GADL1: variants seen among roughly 807,000 people sequenced by gnomAD.
The protein encoded by GADL1 is GAD like acidic amino acid decarboxylase 1.
A neutral mutation model predicts 69.5 loss-of-function variants in GADL1; 71 were observed. That is an observed-to-expected ratio of 1.02 (90% CI 0.84 to 1.25). GADL1 has a LOEUF of 1.25. Ranked by LOEUF, GADL1 falls within the 50% of genes most tolerant of loss-of-function variation. The pLI is 0.00. For missense variants in GADL1, 737 were observed against 631.8 expected (o/e 1.17, Z -1.79); for synonymous variants, 254 against 214.4 (o/e 1.18, Z -1.62).
chr3:30,851,426 A>C (rs766758245), intron 4 of GADL1, among the ~76,000 whole-genome samples: 2 of 151,600 alleles, frequency 1.3e-5, no homozygotes, highest in African/African-American at 2.4e-5. Context: ...CCTCTACTAC[A>C]CTCTCTGTGT....
chr3:30,889,624 CTT>C (rs980651051), intron 1 of GADL1, among the ~76,000 whole-genome samples: 1 of 151,772 alleles, frequency 6.6e-6, no homozygotes, highest in African/African-American at 2.4e-5. Context: ...TTCCAGTTAA[CTT>C]TTTTTTTCCT....
At chr3:30,813,991 A>C (rs1273391183) in intron 11 of GADL1, among the ~76,000 whole-genome samples, 2 of 152,248 alleles carry the variant, frequency 1.3e-5, no homozygotes, top group Non-Finnish European at 2.9e-5. Flanking sequence ...GAGCCTGTGC[A>C]TTAGCATGTG....
chr3:30,847,614 G>A (rs1367265987), intron 6 of GADL1, among the ~76,000 whole-genome samples: 1 of 152,094 alleles, frequency 6.6e-6, no homozygotes, highest in African/African-American at 2.4e-5. Context: ...GGAAAGGAAT[G>A]AGCTGCAAAG....
chr3:30,749,518 C>T (rs1695766984), intron 14 of GADL1, among the ~76,000 whole-genome samples: 1 of 152,192 alleles, frequency 6.6e-6, no homozygotes. Flanking sequence ...ACAGGTGAAT[C>T]TTAGGACATT....
chr3:30,837,529 A>G (rs972941943), intron 9 of GADL1, among the ~76,000 whole-genome samples: 5 of 152,298 alleles, frequency 3.3e-5, no homozygotes, highest in African/African-American at 4.8e-5. Context: ...CTTTTCATTC[A>G]TAAATCACAA....
intron 12 of GADL1, among the ~76,000 whole-genome samples, chr3:30,787,248 TATA>T (rs879898651): frequency 2.0e-5 from 3 of 152,164 alleles, no homozygotes; most frequent in South Asian, 2.1e-4. Flanking sequence ...TAGCCATTGA[TATA>T]ATATCTATAA....
chr3:30,806,343 A>C (rs1334035141), intron 11 of GADL1, among the ~76,000 whole-genome samples: 1 of 152,188 alleles, frequency 6.6e-6, no homozygotes, highest in Non-Finnish European at 1.5e-5. Flanking sequence ...ATACAAGCCC[A>C]TGAAGGTGCT....
intron 14 of GADL1, among the ~76,000 whole-genome samples, chr3:30,756,214 A>AT (rs1371269545): frequency 4.6e-5 from 7 of 152,204 alleles, no homozygotes; most frequent in African/African-American, 1.7e-4. Context: ...GACAATGAAC[A>AT]TGGAGCTTGG....
chr3:30,739,116 G>A (rs1418351449), intron 14 of GADL1, among the ~76,000 whole-genome samples: 1 of 152,188 alleles, frequency 6.6e-6, no homozygotes, highest in African/African-American at 2.4e-5. Context: ...TGTAGAACCT[G>A]CATATCAGGC....
chr3:30,877,972 A>T (rs1332683656), intron 1 of GADL1, among the ~76,000 whole-genome samples: 1 of 151,936 alleles, frequency 6.6e-6, no homozygotes, highest in African/African-American at 2.4e-5. Flanking sequence ...AAAATCTCAG[A>T]TGCTGGTAGA....
At chr3:30,872,968 G>C (rs1271951632) in intron 1 of GADL1, among the ~76,000 whole-genome samples, 2 of 151,816 alleles carry the variant, frequency 1.3e-5, no homozygotes, top group African/African-American at 4.8e-5. Context: ...AGGTCAACCA[G>C]TTACTGTCAG....
intron 14 of GADL1, among the ~76,000 whole-genome samples, chr3:30,767,474 A>G (rs1441729218): frequency 1.3e-5 from 2 of 152,204 alleles, no homozygotes; most frequent in African/African-American, 4.8e-5. Context: ...AAATTGTAAC[A>G]TAAGACCCCA....
intron 8 of GADL1, among the ~76,000 whole-genome samples, chr3:30,844,002 A>T (rs1698012207): frequency 6.6e-6 from 1 of 152,242 alleles, no homozygotes; most frequent in African/African-American, 2.4e-5. Context: ...GAAACTCCAC[A>T]GAACATGGAG....
intron 3 of GADL1, among the ~76,000 whole-genome samples, chr3:30,856,469 C>A (rs1270455684): frequency 6.6e-6 from 1 of 152,022 alleles, no homozygotes; most frequent in Non-Finnish European, 1.5e-5. Context: ...GGAATGTATT[C>A]ATTTGTCTTA....
intron 14 of GADL1, among the ~76,000 whole-genome samples, chr3:30,775,289 A>G (rs1459521471): frequency 6.6e-6 from 1 of 152,242 alleles, no homozygotes; most frequent in Non-Finnish European, 1.5e-5. Flanking sequence ...GTGACAGCTC[A>G]ACCTGACGTT....
At chr3:30,780,433 A>C (rs1009036203) in intron 13 of GADL1, among the ~76,000 whole-genome samples, 1 of 152,124 alleles carries the variant, frequency 6.6e-6, no homozygotes, top group African/African-American at 2.4e-5. Flanking sequence ...GCTGCTCTCT[A>C]TATCAGCTAC....
intron 11 of GADL1, among the ~76,000 whole-genome samples, chr3:30,817,721 A>C (rs1403515972): frequency 6.6e-6 from 1 of 152,206 alleles, no homozygotes; most frequent in Non-Finnish European, 1.5e-5. Context: ...AAATGAATGC[A>C]CCAGTATTTC....
chr3:30,735,195 G>T (rs1279396367), intron 14 of GADL1, among the ~76,000 whole-genome samples: 1 of 149,030 alleles, frequency 6.7e-6, no homozygotes, highest in Non-Finnish European at 1.5e-5. Flanking sequence ...TGTAGAAGGG[G>T]TCACACTATA....
At position 30,767,930 on chromosome 3, in the gene GADL1, A is replaced by T. The variant is rs1421425291; in HGVS notation, c.1392+10249T>A. On this transcript the variant is annotated intron_variant, in intron 14 of 14. Transcript: ENST00000282538. ...TACTTAAAATATGAAAAAAATGAAT[A>T]CACTGACAATCAGTAAAGAGAAATT... Among the ~76,000 whole-genome samples the T allele has an allele frequency of 3.7e-4, 56 of 152,244 alleles. 1 individual carries two copies. Among genetic ancestry groups the T allele is most frequent in the Admixed American group, 7.8e-4 (12 of 15,296 alleles).
Sources: gnomAD v4.1 joint callset for allele counts (sites outside exome capture counted in the v4.1 genomes callset) on GRCh38, gnomAD v4.1.1 for gene constraint, MANE v1.5 for transcripts, NCBI Gene and HGNC (gene_info 2026-07-23, HGNC 2026-07-21) for gene names.